The following FAT3 variants were observed in gnomAD, a reference collection of about 807,000 sequenced individuals.
FAT3 encodes FAT atypical cadherin 3.
In FAT3, 95 loss-of-function variants were observed where a neutral mutation model predicts 310.2. The observed-to-expected ratio is 0.31, with a 90% CI of 0.26 to 0.36. The LOEUF is 0.36. Ranked by LOEUF, FAT3 falls within the 10% of genes least tolerant of loss-of-function variation. The pLI is 1.00. For synonymous variants in FAT3, 2,314 were observed against 2,192.9 expected, an observed-to-expected ratio of 1.06 and a Z score of -1.54; for missense variants, 5,408 against 5,715.6, an observed-to-expected ratio of 0.95 and a Z score of 1.74.
chr11:92,368,859 C>CACAT (rs1949098041), intron 2 of FAT3, among the ~76,000 whole-genome samples: 2 of 119,368 alleles, frequency 1.7e-5, no homozygotes, highest in African/African-American at 8.1e-5. Context: ...CACACATACA[C>CACAT]ATATATATAT....
chr11:92,802,029 C>T, intron 10 of FAT3, 120 bp downstream of exon 10: 1 of 970,630 alleles, frequency 1.0e-6, no homozygotes, highest in Non-Finnish European at 1.5e-6. Context: ...AATGAAGCCT[C>T]TCTGGAGCTG....
chr11:92,684,178 G>C (rs1028958275), intron 3 of FAT3, among the ~76,000 whole-genome samples: 1 of 152,180 alleles, frequency 6.6e-6, no homozygotes, highest in Non-Finnish European at 1.5e-5. Flanking sequence ...TGGGTGGCAT[G>C]TTCATTTGAC....
intron 1 of FAT3, among the ~76,000 whole-genome samples, chr11:92,285,133 A>G (rs188859098): frequency 7.9e-5 from 12 of 152,300 alleles, no homozygotes; most frequent in African/African-American, 2.2e-4. Context: ...GGGAGTGTTC[A>G]GAGAAGTTGA....
intron 1 of FAT3, among the ~76,000 whole-genome samples, chr11:92,315,508 T>TAGAGAGAGAGAG (rs1456432670): frequency 2.6e-4 from 22 of 83,336 alleles, no homozygotes; most frequent in Non-Finnish European, 4.4e-4. Context: ...TATATATATA[T>TAGAGAGAGAGAG]ATATAGAGAG....
intron 1 of FAT3, among the ~76,000 whole-genome samples, chr11:92,248,148 A>G (rs1425462582): frequency 6.6e-6 from 1 of 152,252 alleles, no homozygotes; most frequent in South Asian, 2.1e-4. Context: ...TTTTTCCCTC[A>G]GTCTTACTAT....
At chr11:92,801,967 A>G in intron 10 of FAT3, 58 bp downstream of exon 10, 2 of 1,496,928 alleles carry the variant, frequency 1.3e-6, no homozygotes, top group East Asian at 4.6e-5. Context: ...AAGATGGAAG[A>G]TGGCGGGGAG....
At chr11:92,427,825 A>G (rs957776546) in intron 2 of FAT3, among the ~76,000 whole-genome samples, 2 of 152,082 alleles carry the variant, frequency 1.3e-5, no homozygotes, top group Middle Eastern at 3.4e-3. Flanking sequence ...TTGGCATGAA[A>G]TTTTCTTTTT....
At chr11:92,340,111 CA>C (rs56378818) in intron 1 of FAT3, among the ~76,000 whole-genome samples, 7,314 of 49,080 alleles carry the variant, frequency 0.15, 59 homozygotes, top group Non-Finnish European at 0.17. Flanking sequence ...GACTCCATCT[CA>C]AAAAAAAAAA....
chr11:92,701,645 C>T (rs1257431551), intron 4 of FAT3, among the ~76,000 whole-genome samples: 1 of 152,190 alleles, frequency 6.6e-6, no homozygotes, highest in Non-Finnish European at 1.5e-5. Flanking sequence ...CGTATACCTT[C>T]CTTGATACCC....
At chr11:92,640,499 T>C (rs141111578) in intron 3 of FAT3, among the ~76,000 whole-genome samples, 1 of 152,180 alleles carries the variant, frequency 6.6e-6, no homozygotes, top group African/African-American at 2.4e-5. Flanking sequence ...TATTATTTTA[T>C]TGTTATTAAT....
At chr11:92,551,414 TTG>T (rs71473973) in intron 3 of FAT3, among the ~76,000 whole-genome samples, 9 of 128,968 alleles carry the variant, frequency 7.0e-5, no homozygotes, top group Admixed American at 1.7e-4. Flanking sequence ...TTTTTTTGTT[TTG>T]TGTGTGTGTG....
chr11:92,227,922 T>TG (rs1565338293), intron 1 of FAT3, among the ~76,000 whole-genome samples: 2 of 113,174 alleles, frequency 1.8e-5, no homozygotes, highest in East Asian at 4.1e-4. Flanking sequence ...AAGTTTTTTT[T>TG]ATTTTTTTTT....
intron 1 of FAT3, among the ~76,000 whole-genome samples, chr11:92,346,859 T>C (rs373531720): frequency 1.1e-4 from 16 of 152,318 alleles, no homozygotes; most frequent in East Asian, 9.6e-4. Flanking sequence ...CCTTTACCTT[T>C]GATGGGTGTT....
rs1555047741 is a variant in FAT3, at chr11:92,442,081, T to TATATA, written c.3293-82553_3293-82552insATATA. Reference sequence around the variant, plus strand: ...GTGCAAAACTTAAGAAATATATATTTTATATATATATATATATATATATAT... The same window carrying TATATA: ...GTGCAAAACTTAAGAAATATATATTTATATATATATATATATATATATATATATAT... On this transcript the variant is annotated intron_variant, in intron 2 of 27. Coordinates refer to ENST00000525166, the MANE Select transcript of FAT3 (RefSeq NM_001367949.2). Among the ~76,000 whole-genome samples the TATATA allele has an allele frequency of 1.1e-4, 8 of 69,992 alleles. 1 individual carries two copies. Among genetic ancestry groups the TATATA allele is most frequent in the African/African-American group, 6.6e-4 (8 of 12,152 alleles). The allele number at this position is 69,992 out of a possible 152,430, so 45.9% of individuals were successfully genotyped here.
In FAT3 at chr11:92,723,404, G is replaced by A. The variant is rs542041546; in HGVS notation, c.3669+25959G>A. On this transcript the variant is annotated intron_variant, in intron 4 of 27. Coordinates refer to ENST00000525166, the MANE Select transcript of FAT3 (RefSeq NM_001367949.2). ...GATTTCATTGTCCATATTATTATTAGCATTTTTGTCAAAGCCATTAAACAA... is the reference window on the plus strand; with the variant it reads ...GATTTCATTGTCCATATTATTATTAACATTTTTGTCAAAGCCATTAAACAA... 7.9e-5 allele frequency among the ~76,000 whole-genome samples: 12 copies of A among 152,186 alleles called. No individual in the cohort carries two copies. In the South Asian group the frequency reaches 1.7e-3, roughly 21 times the overall value.
At chr11:92,509,756 A>T (rs1048334012) in intron 2 of FAT3, among the ~76,000 whole-genome samples, 1 of 152,192 alleles carries the variant, frequency 6.6e-6, no homozygotes, top group African/African-American at 2.4e-5. Flanking sequence ...TTACTTTTGC[A>T]CCTAAATAAA....
Position 92,355,081 on chromosome 11 carries a change from G to A in FAT3, c.2969G>A (p.Gly990Asp). 1 of 1,613,724 alleles carries A rather than the reference G, an allele frequency of 6.2e-7. No homozygotes were observed. Among genetic ancestry groups the A allele is most frequent in the South Asian group, 1.1e-5 (1 of 91,072 alleles). ...NGRFEIDKAS[G>D]AIRLSKELDY... ...AGATTTGAAATAGATAAAGCAAGTG[G>A]TGCCATCCGCTTGAGCAAAGAGCTT... Residue 990 changes from glycine (G) to aspartate (D), a missense_variant, in exon 2 of 28, where the codon GGT becomes GAT. Around this residue, in one of 5 missense-constraint regions of FAT3, gnomAD observed 4,588 missense variants for 4,809.8 expected, o/e 0.95. Transcript: ENST00000525166.
intron 1 of FAT3, among the ~76,000 whole-genome samples, chr11:92,264,077 C>A (rs1221005369): frequency 1.3e-5 from 2 of 152,138 alleles, no homozygotes; most frequent in Non-Finnish European, 2.9e-5. Context: ...TCACTGCCAA[C>A]CCCATCGTCT....
intron 3 of FAT3, among the ~76,000 whole-genome samples, chr11:92,691,035 G>A (rs1158929032): frequency 3.3e-5 from 5 of 152,270 alleles, no homozygotes; most frequent in Admixed American, 6.5e-5. Flanking sequence ...TATTGTTCCC[G>A]ATTGGGTGAC....
Sources: allele counts gnomAD v4.1 joint callset (sites outside exome capture counted in the v4.1 genomes callset), GRCh38; gene constraint gnomAD v4.1.1; regional missense constraint gnomAD v4.1.1; transcripts MANE v1.5; gene names NCBI Gene and HGNC (gene_info 2026-07-23, HGNC 2026-07-21).